NXPH2: variants seen among roughly 807,000 people sequenced by gnomAD.
The protein encoded by NXPH2 is neurexophilin 2.
NXPH2 carries 5 observed loss-of-function variants against 19.8 expected under a neutral mutation model. The ratio of observed to expected loss-of-function variants is 0.25; its 90% CI spans 0.13 to 0.53. The LOEUF (loss-of-function observed/expected upper bound fraction) is 0.53. NXPH2 is among the 20% of genes least tolerant of loss of function. NXPH2 has a pLI of 0.96. For missense variants in NXPH2, 289 were observed against 322.8 expected (o/e 0.90, Z 0.80); for synonymous variants, 154 against 127.4 (o/e 1.21, Z -1.41).
chr2:138,770,178 A>C (rs1311212679), intron 1 of NXPH2, among the ~76,000 whole-genome samples: 1 of 152,170 alleles, frequency 6.6e-6, no homozygotes, highest in South Asian at 2.1e-4. Flanking sequence ...CTGCCAAAGA[A>C]AAAGCAATTC....
intron 1 of NXPH2, among the ~76,000 whole-genome samples, chr2:138,749,584 C>T (rs960806094): frequency 2.0e-5 from 3 of 152,014 alleles, no homozygotes; most frequent in Non-Finnish European, 4.4e-5. Context: ...TTTCTTTATG[C>T]TTTATCTTTC....
rs1682309684 is a variant in NXPH2 at position 138,779,066 on chromosome 2, AC to A, written c.51+1124del. Among the ~76,000 whole-genome samples the A allele has an allele frequency of 2.0e-5, 3 of 152,216 alleles. No homozygotes were observed. The South Asian group carries it at 6.2e-4, about 31-fold the overall frequency. ...ATACATATCATAAACTTTCAAAGTT[AC>A]TTGATTTTCCCCCTAATAGGAAAAG... On this transcript the variant is annotated intron_variant, in intron 1 of 1. Transcript: ENST00000272641.
At chr2:138,687,755 A>G (rs1311763589) in intron 1 of NXPH2, among the ~76,000 whole-genome samples, 1 of 152,190 alleles carries the variant, frequency 6.6e-6, no homozygotes, top group Non-Finnish European at 1.5e-5. Context: ...CTTTCTACAT[A>G]TGGCTAGCCA....
At chr2:138,727,332 G>T (rs4441405) in intron 1 of NXPH2, among the ~76,000 whole-genome samples, 1 of 152,142 alleles carries the variant, frequency 6.6e-6, no homozygotes, top group Admixed American at 6.5e-5. Flanking sequence ...TGGCTAAACC[G>T]TTTTGCATTC....
At chr2:138,753,146 A>G (rs1681850635) in intron 1 of NXPH2, among the ~76,000 whole-genome samples, 1 of 152,136 alleles carries the variant, frequency 6.6e-6, no homozygotes, top group South Asian at 2.1e-4. Flanking sequence ...TCTGCATGGG[A>G]AATTTATTAT....
chr2:138,687,479 A>T (rs1680678854), intron 1 of NXPH2, among the ~76,000 whole-genome samples: 1 of 151,762 alleles, frequency 6.6e-6, no homozygotes, highest in East Asian at 1.9e-4. Flanking sequence ...GATTGCAAAA[A>T]TTTTCTCCCA....
intron 1 of NXPH2, among the ~76,000 whole-genome samples, chr2:138,756,325 T>C (rs1681908015): frequency 6.6e-6 from 1 of 152,118 alleles, no homozygotes; most frequent in Non-Finnish European, 1.5e-5. Context: ...GGGTGTTATG[T>C]GTTATATTTC....
At chr2:138,699,706 A>C (rs1680889075) in intron 1 of NXPH2, among the ~76,000 whole-genome samples, 1 of 152,184 alleles carries the variant, frequency 6.6e-6, no homozygotes. Context: ...CATTTTCTGC[A>C]AGGATTAGGC....
At chr2:138,762,589 A>G (rs1682033694) in intron 1 of NXPH2, among the ~76,000 whole-genome samples, 1 of 152,234 alleles carries the variant, frequency 6.6e-6, no homozygotes, top group South Asian at 2.1e-4. Context: ...GGTACAAAAG[A>G]TGAGAAGGGT....
chr2:138,753,305 C>G (rs912308004), intron 1 of NXPH2, among the ~76,000 whole-genome samples: 11 of 152,092 alleles, frequency 7.2e-5, no homozygotes, highest in African/African-American at 2.4e-4. Context: ...GCTCCTGGGT[C>G]CTTGTGACAG....
rs535862841 is a variant in NXPH2 at position 138,681,155 on chromosome 2, A to G, written c.52-9490T>C. Among the ~76,000 whole-genome samples, 7 of 152,336 alleles carry G rather than the reference A, an allele frequency of 4.6e-5. No individual in the cohort carries two copies. In the South Asian group the frequency reaches 1.0e-3, roughly 23 times the overall value. On this transcript the variant is annotated intron_variant, in intron 1 of 1. Transcript: ENST00000272641. ...TAGCCCTCTTCTATATAATCAATAT[A>G]ATATGTATTAGTGCTACTTGATAAT...
At chr2:138,691,058 C>T (rs1573955587) in intron 1 of NXPH2, among the ~76,000 whole-genome samples, 1 of 152,236 alleles carries the variant, frequency 6.6e-6, no homozygotes, top group East Asian at 1.9e-4. Flanking sequence ...GACTTCTAGT[C>T]AGGGAAAGTG....
chr2:138,727,365 C>T (rs1681375507), intron 1 of NXPH2, among the ~76,000 whole-genome samples: 1 of 152,136 alleles, frequency 6.6e-6, no homozygotes, highest in South Asian at 2.1e-4. Flanking sequence ...ATGAAAATTC[C>T]TATTGTTCAA....
intron 1 of NXPH2, among the ~76,000 whole-genome samples, chr2:138,775,597 T>C (rs1682248396): frequency 6.6e-6 from 1 of 152,108 alleles, no homozygotes; most frequent in African/African-American, 2.4e-5. Context: ...AATATATATG[T>C]TAACTGGGAA....
chr2:138,702,770 G>GAAAAAC (rs1558917338), intron 1 of NXPH2, among the ~76,000 whole-genome samples: 1 of 151,956 alleles, frequency 6.6e-6, no homozygotes. Context: ...CAGGTGCTAA[G>GAAAAAC]AACAACAACA....
At chr2:138,702,215 C>T (rs1198743078) in intron 1 of NXPH2, among the ~76,000 whole-genome samples, 1 of 152,132 alleles carries the variant, frequency 6.6e-6, no homozygotes, top group Non-Finnish European at 1.5e-5. Flanking sequence ...CTCCTGGGTG[C>T]AAATGTTCCT....
intron 1 of NXPH2, among the ~76,000 whole-genome samples, chr2:138,689,858 A>G (rs1301345869): frequency 6.6e-6 from 1 of 152,206 alleles, no homozygotes; most frequent in Non-Finnish European, 1.5e-5. Flanking sequence ...ATGCTCCCTG[A>G]ACAATGATGA....
chr2:138,764,233 T>A (rs1303722321), intron 1 of NXPH2, among the ~76,000 whole-genome samples: 1 of 152,118 alleles, frequency 6.6e-6, no homozygotes, highest in Non-Finnish European at 1.5e-5. Flanking sequence ...TGTGCTGGCT[T>A]ATATTCCACC....
chr2:138,733,022 T>C (rs1029644270), intron 1 of NXPH2, among the ~76,000 whole-genome samples: 1 of 152,220 alleles, frequency 6.6e-6, no homozygotes, highest in Non-Finnish European at 1.5e-5. Context: ...TGATCTCTTG[T>C]TCTGTTTGAC....
Sources: allele counts gnomAD v4.1 joint callset (sites outside exome capture counted in the v4.1 genomes callset), GRCh38; gene constraint gnomAD v4.1.1; transcripts MANE v1.5; gene names NCBI Gene and HGNC (gene_info 2026-07-23, HGNC 2026-07-21).